GIGYF2: variants seen among roughly 807,000 people sequenced by gnomAD.
The protein encoded by GIGYF2 is GRB10 interacting GYF protein 2, also known as GRB10-interacting GYF protein 2.
A neutral mutation model predicts 208.1 loss-of-function variants in GIGYF2; 25 were observed. The observed-to-expected ratio is 0.12, with a 90% CI of 0.09 to 0.17. The LOEUF (loss-of-function observed/expected upper bound fraction) is 0.17, where lower values mean the gene tolerates loss of function less well. GIGYF2 is among the 10% of genes least tolerant of loss of function. The pLI is 1.00. For synonymous variants in GIGYF2, 534 were observed against 543.8 expected (o/e 0.98, Z 0.25); for missense variants, 1,302 against 1,579.4 (o/e 0.82, Z 2.98).
chr2:232,765,956 T>C (rs764743784), intron 8 of GIGYF2: 1 of 464,148 alleles, frequency 2.2e-6, no homozygotes. Flanking sequence ...CAAGACTTCA[T>C]GACCAAGCTC....
chr2:232,761,336 A>G, intron 7 of GIGYF2, 60 bp from the exon 8 acceptor site: 1 of 1,056,976 alleles, frequency 9.5e-7, no homozygotes, highest in Non-Finnish European at 1.5e-6. Context: ...AGTGAGTGTC[A>G]CAGATAGGAA....
At chr2:232,740,220 T>C (rs573339563) in intron 3 of GIGYF2, among the ~76,000 whole-genome samples, 2 of 152,164 alleles carry the variant, frequency 1.3e-5, no homozygotes, top group Admixed American at 6.5e-5. Flanking sequence ...CTACTGAGAG[T>C]CTGAGGCTGG....
At chr2:232,803,433 T>A (rs1700459416) in intron 14 of GIGYF2, among the ~76,000 whole-genome samples, 1 of 151,872 alleles carries the variant, frequency 6.6e-6, no homozygotes, top group Non-Finnish European at 1.5e-5. Context: ...TGGTTTTTTT[T>A]GTGTGTGTGT....
At position 232,856,803 on chromosome 2, in the gene GIGYF2, C is replaced by T. The variant is rs536044025; in HGVS notation, c.3843C>T (p.Val1281=). ...GTTTTTTTTCTGCAGGATTTTCAGT[C>T]AATGCATCATCGGAGCGACTCAACA... ...RADPSLLGFS[V]NASSERLNMG... Residue 1281 remains valine (V), a synonymous_variant, in exon 29 of 29, where the codon GTC becomes GTT. Transcript: ENST00000373563. 1 of 1,612,452 alleles carries T rather than the reference C, an allele frequency of 6.2e-7. No homozygotes were observed. The highest frequency in any genetic ancestry group is 1.1e-5 in the South Asian group (1 of 91,042).
Position 232,712,144 on chromosome 2 carries a change from T to C in GIGYF2, c.-44+8655T>C, listed in dbSNP as rs116678614. Among the ~76,000 whole-genome samples, 1,478 of 152,308 alleles carry C rather than the reference T, an allele frequency of 9.7e-3. 27 individuals carry two copies. The highest frequency in any genetic ancestry group is 0.033 in the African/African-American group (1,378 of 41,562). On this transcript the variant is annotated intron_variant, in intron 2 of 28. Coordinates refer to ENST00000373563, the MANE Select transcript of GIGYF2 (RefSeq NM_001103146.3). ...TATAATTGGCAACAGGTACTCTGAA[T>C]TGTTTTTGTTGAAGTCTCATTCATT...
At chr2:232,823,534 G>A (rs1329675242) in intron 21 of GIGYF2, among the ~76,000 whole-genome samples, 2 of 151,564 alleles carry the variant, frequency 1.3e-5, no homozygotes, top group Non-Finnish European at 2.9e-5. Context: ...TTTATTTTTT[G>A]TAGAGATATG....
intron 26 of GIGYF2, 101 bp from the exon 27 acceptor site, chr2:232,847,243 ATGTT>A: frequency 9.1e-7 from 1 of 1,094,080 alleles, no homozygotes; most frequent in Non-Finnish European, 1.4e-6. Flanking sequence ...TCTGTCATTA[ATGTT>A]TGATTAGGTA....
At chr2:232,847,206 A>G in intron 26 of GIGYF2, 142 bp from the exon 27 acceptor site, 1 of 799,764 alleles carries the variant, frequency 1.3e-6, no homozygotes, top group Non-Finnish European at 2.1e-6. Context: ...GAATATTTAA[A>G]CACAATTGCT....
intron 8 of GIGYF2, among the ~76,000 whole-genome samples, chr2:232,774,052 C>T (rs540312192): frequency 3.0e-4 from 45 of 150,572 alleles, no homozygotes; most frequent in African/African-American, 9.5e-4. Flanking sequence ...GACGTTGAGT[C>T]GGGAGGATTG....
At chr2:232,814,576 C>T (rs546388002) in intron 18 of GIGYF2, among the ~76,000 whole-genome samples, 6 of 135,906 alleles carry the variant, frequency 4.4e-5, no homozygotes, top group Admixed American at 3.7e-4. Context: ...CCCCCCCCCC[C>T]CAAAAAAAAA....
intron 28 of GIGYF2, among the ~76,000 whole-genome samples, chr2:232,856,519 A>G (rs1214572944): frequency 6.6e-6 from 1 of 151,954 alleles, no homozygotes; most frequent in Non-Finnish European, 1.5e-5. Flanking sequence ...GTGAAACCCT[A>G]TCTCTACTAA....
intron 8 of GIGYF2, among the ~76,000 whole-genome samples, chr2:232,763,690 G>A (rs946009053): frequency 1.5e-4 from 23 of 152,076 alleles, no homozygotes; most frequent in Admixed American, 1.4e-3. Flanking sequence ...TTAGCCAGGC[G>A]TGGTGGGTGA....
rs529497561 is a variant in GIGYF2, at chr2:232,739,175, A to G, written c.41+3937A>G. On this transcript the variant is annotated intron_variant, in intron 3 of 28. Transcript: ENST00000373563. ...GGAGTTTGAGACCAGCCTGGCCAAC[A>G]TGATGAAACCCCACCTCTACTAAAA... Among the ~76,000 whole-genome samples the G allele has an allele frequency of 3.3e-5, 5 of 151,952 alleles. No individual in the cohort carries two copies. In the East Asian group the frequency reaches 7.8e-4, roughly 24 times the overall value.
intron 5 of GIGYF2, among the ~76,000 whole-genome samples, chr2:232,753,134 TATTTATTG>T (rs1698398078): frequency 6.9e-6 from 1 of 145,208 alleles, no homozygotes; most frequent in South Asian, 2.2e-4. Context: ...TTTATTTATT[TATTTATTG>T]AGACAGAATC....
At chr2:232,701,401 C>T (rs1331404312) in intron 1 of GIGYF2, among the ~76,000 whole-genome samples, 1 of 150,408 alleles carries the variant, frequency 6.6e-6, no homozygotes, top group Non-Finnish European at 1.5e-5. Context: ...GCCGTGATTG[C>T]ACCGCTGCGC....
chr2:232,791,801 C>T (rs1439677901), intron 12 of GIGYF2, among the ~76,000 whole-genome samples: 1 of 152,002 alleles, frequency 6.6e-6, no homozygotes, highest in Admixed American at 6.6e-5. Flanking sequence ...AATTATGTGC[C>T]CAGCTTAAAT....
chr2:232,781,484 A>G (rs1165500204), intron 8 of GIGYF2, among the ~76,000 whole-genome samples: 1 of 152,062 alleles, frequency 6.6e-6, no homozygotes, highest in Non-Finnish European at 1.5e-5. Context: ...GTAATTGGAA[A>G]TGTGTATTTT....
intron 21 of GIGYF2, among the ~76,000 whole-genome samples, chr2:232,825,978 G>GTTTGCTT (rs1701234975): frequency 6.6e-6 from 1 of 151,794 alleles, no homozygotes; most frequent in Non-Finnish European, 1.5e-5. Flanking sequence ...CCTTGTGGTA[G>GTTTGCTT]TTTGCTTAGA....
intron 18 of GIGYF2, among the ~76,000 whole-genome samples, chr2:232,814,359 G>A (rs1315114043): frequency 6.6e-6 from 1 of 151,766 alleles, no homozygotes; most frequent in East Asian, 2.0e-4. Flanking sequence ...TCAGAAGTTC[G>A]AGACCAGCCT....
Sources: gnomAD v4.1 joint callset for allele counts (sites outside exome capture counted in the v4.1 genomes callset) on GRCh38, gnomAD v4.1.1 for gene constraint, MANE v1.5 for transcripts, NCBI Gene and HGNC (gene_info 2026-07-23, HGNC 2026-07-21) for gene names.